Variants in PLCXD1 observed in about 807,000 individuals in gnomAD.
PLCXD1 encodes PI-PLC X domain-containing protein 1.
In PLCXD1, 45 loss-of-function variants were observed where a neutral mutation model predicts 37.8. The ratio of observed to expected loss-of-function variants is 1.19; its 90% CI spans 0.94 to 1.53. The LOEUF is 1.53. Among genes scored for constraint, PLCXD1 ranks in the 40% most tolerant of loss-of-function variants. PLCXD1 has a pLI of 0.00. For missense variants in PLCXD1, 539 were observed against 454.7 expected, an observed-to-expected ratio of 1.19 and a Z score of -1.69; for synonymous variants, 246 against 206.9, an observed-to-expected ratio of 1.19 and a Z score of -1.62.
rs745714676 is a variant in PLCXD1 at position 293,214 on chromosome X, C to T, written c.729C>T (p.Arg243=). 1.4e-5 allele frequency: 22 copies of T among 1,608,490 alleles called. No homozygotes were observed. Among genetic ancestry groups the T allele is most frequent in the African/African-American group, 8.0e-5 (6 of 74,800 alleles). Residue 243 remains arginine (R), a synonymous_variant, in exon 6 of 7, where the codon CGC becomes CGT. Transcript: ENST00000381657. ...TGGAGACCATGAAGAGCTGCGGCCG[C>T]CCAGGTACCAGGTCGCCCCTCGTGG... is the stretch of plus-strand genomic sequence containing the variant. ...RYLETMKSCG[R]PGGLFVAGIN... is the part of the protein sequence containing the mutation.
intron 2 of PLCXD1, among the ~76,000 whole-genome samples, chrX:285,973 C>T (rs1306623064): frequency 1.3e-5 from 2 of 152,000 alleles, no homozygotes; most frequent in Admixed American, 6.6e-5. Context: ...TTCAGGAATT[C>T]ATGTGGGTTA....
chrX:289,332 CCG>C (rs2069553668), intron 3 of PLCXD1, among the ~76,000 whole-genome samples: 1 of 151,842 alleles, frequency 6.6e-6, no homozygotes, highest in Non-Finnish European at 1.5e-5. Context: ...CATGATCTGC[CCG>C]CCCCAGCCTC....
intron 2 of PLCXD1, among the ~76,000 whole-genome samples, chrX:286,460 A>G (rs1912085353): frequency 6.6e-6 from 1 of 152,156 alleles, no homozygotes; most frequent in South Asian, 2.1e-4. Context: ...GACCAGCCGC[A>G]GACAAAACTC....
chrX:283,025 T>C (rs1278064232), intron 1 of PLCXD1: 1 of 144,682 alleles, frequency 6.9e-6, no homozygotes, highest in Non-Finnish European at 1.5e-5. Context: ...ATATATGTTA[T>C]GTATATAATA....
At chrX:278,168 G>A (rs1378152157), upstream of PLCXD1, among the ~76,000 whole-genome samples, 3 of 138,180 alleles carry the variant, frequency 2.2e-5, no homozygotes, top group Non-Finnish European at 1.7e-5. Context: ...TGGGATGTGA[G>A]GGGAGGGGTC....
rs201394789 is a variant in PLCXD1 at position 284,155 on chromosome X, C to G, written c.-21-12C>G. 5.6e-6 allele frequency: 9 copies of G among 1,610,874 alleles called. No individual in the cohort carries two copies. The African/African-American group carries it at 1.1e-4, about 19-fold the overall frequency. On this transcript the variant is annotated splice_polypyrimidine_tract_variant and intron_variant, in intron 1 of 6. Coordinates refer to ENST00000381657, the MANE Select transcript of PLCXD1 (RefSeq NM_018390.4). ...ACCGTAAAAAACCTCTTTTCCTCTT[C>G]TCCTTCCTCAGGTTGCCCAGGGCTC... is the stretch of plus-strand genomic sequence containing the variant.
intron 1 of PLCXD1, among the ~76,000 whole-genome samples, chrX:282,824 A>ATT (rs1474236287): frequency 1.4e-5 from 2 of 147,686 alleles, no homozygotes; most frequent in Non-Finnish European, 3.0e-5. Context: ...TCAACAGTAT[A>ATT]TTATATATAT....
At chrX:294,221 G>A (rs989295542) in intron 6 of PLCXD1, among the ~76,000 whole-genome samples, 10 of 152,254 alleles carry the variant, frequency 6.6e-5, no homozygotes, top group East Asian at 1.9e-4. Context: ...GGTGGCTCAC[G>A]CCTGTAATCC....
chrX:289,144 G>A (rs931455693), intron 3 of PLCXD1, among the ~76,000 whole-genome samples: 2 of 152,162 alleles, frequency 1.3e-5, no homozygotes, highest in African/African-American at 4.8e-5. Context: ...CTGGAGTGCA[G>A]TGGCGTGATC....
chrX:292,389 G>A (rs1233642444), intron 5 of PLCXD1, among the ~76,000 whole-genome samples: 1 of 152,028 alleles, frequency 6.6e-6, no homozygotes, highest in Non-Finnish European at 1.5e-5. Context: ...AACCCGGGGG[G>A]TGGAGGTTGC....
chrX:287,281 A>G (rs1013808812), intron 2 of PLCXD1, among the ~76,000 whole-genome samples: 18 of 146,324 alleles, frequency 1.2e-4, no homozygotes, highest in Admixed American at 1.1e-3. Flanking sequence ...TATATATCAT[A>G]TATTTATATA....
upstream of PLCXD1, among the ~76,000 whole-genome samples, chrX:280,432 G>A (rs867845928): frequency 1.7e-5 from 1 of 59,132 alleles, no homozygotes; most frequent in Admixed American, 1.9e-4. Flanking sequence ...ACGTGCAGGG[G>A]GAGGGGAGGC....
At chrX:276,685 G>A (rs1256237657), upstream of PLCXD1, among the ~76,000 whole-genome samples, 4 of 152,170 alleles carry the variant, frequency 2.6e-5, no homozygotes, top group Non-Finnish European at 4.4e-5. Context: ...AGCCCAGGAC[G>A]GTTATGAAAT....
chrX:279,347 T>C (rs981997286), upstream of PLCXD1, among the ~76,000 whole-genome samples: 7 of 152,184 alleles, frequency 4.6e-5, no homozygotes, highest in Non-Finnish European at 8.8e-5. Context: ...ACAGGGGTGA[T>C]AATGGCTGAG....
intron 2 of PLCXD1, among the ~76,000 whole-genome samples, chrX:285,653 G>T (rs1043343518): frequency 6.6e-6 from 1 of 151,680 alleles, no homozygotes. Flanking sequence ...GTACACACAT[G>T]CACACACGTA....
chrX:297,501 G>A lies in PLCXD1; in HGVS notation c.734-1596G>A, dbSNP rs758369302. On this transcript the variant is annotated intron_variant, in intron 6 of 6. Coordinates refer to ENST00000381657, the MANE Select transcript of PLCXD1 (RefSeq NM_018390.4). Reference sequence around the variant, plus strand: ...GGGGATTAGGACGTGGACATCTTTGGGGCTGTTATTCTGTCTCCCACATGG... The same window carrying A: ...GGGGATTAGGACGTGGACATCTTTGAGGCTGTTATTCTGTCTCCCACATGG... Among the ~76,000 whole-genome samples, 48 of 63,524 alleles carry A rather than the reference G, an allele frequency of 7.6e-4. 2 individuals carry two copies. The highest frequency in any genetic ancestry group is 1.9e-3 in the African/African-American group (18 of 9,632). 41.7% of individuals were successfully genotyped at this position (63,524 alleles called of 152,430 possible).
intron 2 of PLCXD1, 139 bp from the exon 3 acceptor site, chrX:288,594 C>T (rs753348106): frequency 2.8e-5 from 25 of 883,142 alleles, no homozygotes; most frequent in Admixed American, 7.4e-5. Context: ...TGGGGGTCAG[C>T]GTGCACCCCT....
At chrX:290,552 G>A in intron 3 of PLCXD1, 96 bp from the exon 4 acceptor site, 1 of 1,338,162 alleles carries the variant, frequency 7.5e-7, no homozygotes, top group Non-Finnish European at 1.1e-6. Flanking sequence ...CCAGTGGGCA[G>A]CAGGACATGC....
intron 1 of PLCXD1, among the ~76,000 whole-genome samples, chrX:282,368 G>A (rs1418402818): frequency 7.0e-6 from 1 of 143,398 alleles, no homozygotes; most frequent in Non-Finnish European, 1.5e-5. Context: ...GGTAACAAGA[G>A]TGAAACCCTG....
Sources: gnomAD v4.1 joint callset for allele counts (sites outside exome capture counted in the v4.1 genomes callset) on GRCh38, gnomAD v4.1.1 for gene constraint, MANE v1.5 for transcripts, NCBI Gene and HGNC (gene_info 2026-07-23, HGNC 2026-07-21) for gene names.